Variants in TNFRSF19 observed in about 807,000 individuals in gnomAD.
TNFRSF19 encodes tumor necrosis factor receptor superfamily member 19.
In TNFRSF19, 27 loss-of-function variants were observed where a neutral mutation model predicts 46.4. The ratio of observed to expected loss-of-function variants is 0.58; its 90% CI spans 0.43 to 0.80. The LOEUF is 0.80. Ranked by LOEUF, TNFRSF19 falls within the 30% of genes least tolerant of loss-of-function variation. The probability of loss-of-function intolerance (pLI) is 0.00; values close to 1 mark genes in which losing one functional copy is unlikely to be tolerated. For synonymous variants in TNFRSF19, 204 were observed against 205.0 expected (o/e 1.00, Z 0.04); for missense variants, 511 against 530.8 (o/e 0.96, Z 0.37).
chr13:23,640,818 T>C (rs1882996490), intron 5 of TNFRSF19, among the ~76,000 whole-genome samples: 1 of 152,208 alleles, frequency 6.6e-6, no homozygotes, highest in Non-Finnish European at 1.5e-5. Context: ...ACTAAAAACA[T>C]AGGTCCAAGG....
At chr13:23,617,445 A>AGTCT (rs61060090) in intron 4 of TNFRSF19, among the ~76,000 whole-genome samples, 3,091 of 152,198 alleles carry the variant, frequency 0.02, 117 homozygotes, top group African/African-American at 0.071. Context: ...TGGAGGAGAG[A>AGTCT]GTCTGGATGA....
chr13:23,593,519 T>G, intron 3 of TNFRSF19, 64 bp downstream of exon 3: 1 of 1,072,380 alleles, frequency 9.3e-7, no homozygotes, highest in Non-Finnish European at 1.4e-6. Flanking sequence ...CTTAACTCAA[T>G]TCTTTGAGTT....
rs371903031 is a variant in TNFRSF19 at position 23,575,371 on chromosome 13, C to T, written c.-35+4523C>T. ...TGGGTTTTTCATATATATTGGTTTA[C>T]GCACCCATGGTATGGTGAAGATTAT... On this transcript the variant is annotated intron_variant, in intron 1 of 9. Transcript: ENST00000248484. Among the ~76,000 whole-genome samples the T allele has an allele frequency of 9.4e-4, 143 of 152,252 alleles. No homozygotes were observed. The Middle Eastern group carries it at 0.014, about 14-fold the overall frequency.
At chr13:23,592,026 T>C (rs3794355) in intron 2 of TNFRSF19, among the ~76,000 whole-genome samples, 100,277 of 151,780 alleles carry the variant, frequency 0.66, 33,774 homozygotes, top group African/African-American at 0.78. Context: ...TGCCTGTCTG[T>C]CTCAAAGAAT....
chr13:23,625,877 G>C (rs962869288), intron 4 of TNFRSF19, among the ~76,000 whole-genome samples: 7 of 152,044 alleles, frequency 4.6e-5, no homozygotes, highest in African/African-American at 1.7e-4. Context: ...TAATTTGAAT[G>C]TACTTGATTA....
At chr13:23,638,714 G>A (rs1882851556) in intron 5 of TNFRSF19, among the ~76,000 whole-genome samples, 1 of 152,092 alleles carries the variant, frequency 6.6e-6, no homozygotes, top group Admixed American at 6.5e-5. Flanking sequence ...TGGGTCCCTG[G>A]TTTGCTTCAG....
At chr13:23,617,583 A>C (rs1043061632) in intron 4 of TNFRSF19, among the ~76,000 whole-genome samples, 1 of 152,214 alleles carries the variant, frequency 6.6e-6, no homozygotes, top group Non-Finnish European at 1.5e-5. Context: ...GCCAAGAGTT[A>C]CTGACCAAAG....
chr13:23,623,540 G>A (rs73156767), intron 4 of TNFRSF19, among the ~76,000 whole-genome samples: 3,349 of 152,216 alleles, frequency 0.022, 58 homozygotes, highest in Middle Eastern at 0.061. Context: ...TTTCCATAGC[G>A]GCTGCACCAT....
chr13:23,660,562 T>G (rs767946716), intron 7 of TNFRSF19, 72 bp downstream of exon 7: 116 of 1,544,706 alleles, frequency 7.5e-5, no homozygotes, highest in Non-Finnish European at 9.9e-5. Flanking sequence ...GAATTGGTCC[T>G]GGTTTATTCA....
rs1274625421 is a variant in TNFRSF19 at position 23,626,798 on chromosome 13, T to C, written c.445+6T>C. On this transcript the variant is annotated splice_donor_region_variant and intron_variant, in intron 5 of 9. Coordinates refer to ENST00000248484, the MANE Select transcript of TNFRSF19 (RefSeq NM_148957.4). Reference sequence around the variant, plus strand: ...TCCTCCTTACGAACCGCACTGTGAGTGAACGCAACACAGGCAGAGCCAAGG... The same window carrying C: ...TCCTCCTTACGAACCGCACTGTGAGCGAACGCAACACAGGCAGAGCCAAGG... The C allele has an allele frequency of 1.2e-6, 2 of 1,613,914 alleles. No homozygotes were observed. The highest frequency in any genetic ancestry group is 1.7e-6 in the Non-Finnish European group (2 of 1,179,904).
At chr13:23,572,496 T>A (rs562706984) in intron 1 of TNFRSF19, among the ~76,000 whole-genome samples, 1 of 152,334 alleles carries the variant, frequency 6.6e-6, no homozygotes, top group East Asian at 1.9e-4. Flanking sequence ...ATTTGGATTT[T>A]AAAATTTTTA....
At chr13:23,658,325 C>T (rs970888844) in intron 5 of TNFRSF19, among the ~76,000 whole-genome samples, 2 of 152,178 alleles carry the variant, frequency 1.3e-5, no homozygotes, top group African/African-American at 4.8e-5. Flanking sequence ...AAATTCCAGT[C>T]AGTGTCTCAA....
At chr13:23,663,730 A>G (rs1884525332) in intron 7 of TNFRSF19, among the ~76,000 whole-genome samples, 1 of 152,028 alleles carries the variant, frequency 6.6e-6, no homozygotes, top group East Asian at 1.9e-4. Context: ...TTCCTGGTTC[A>G]GTCTTGGGAG....
At chr13:23,588,516 C>A (rs1018278465) in intron 1 of TNFRSF19, among the ~76,000 whole-genome samples, 1 of 152,184 alleles carries the variant, frequency 6.6e-6, no homozygotes, top group African/African-American at 2.4e-5. Context: ...ATGGTATGTA[C>A]TGATTGACTT....
chr13:23,664,478 C>T (rs1186991371), intron 7 of TNFRSF19, among the ~76,000 whole-genome samples: 1 of 152,168 alleles, frequency 6.6e-6, no homozygotes, highest in East Asian at 1.9e-4. Flanking sequence ...AATTAAAACC[C>T]TCTATAGCCA....
chr13:23,574,681 G>T (rs1466934545), intron 1 of TNFRSF19, among the ~76,000 whole-genome samples: 2 of 152,128 alleles, frequency 1.3e-5, no homozygotes, highest in African/African-American at 4.8e-5. Context: ...AAGAATGAGT[G>T]ATTTTGTCCC....
intron 3 of TNFRSF19, among the ~76,000 whole-genome samples, chr13:23,615,381 G>A (rs775509797): frequency 6.6e-6 from 1 of 152,166 alleles, no homozygotes; most frequent in African/African-American, 2.4e-5. Context: ...ACTATTTCAA[G>A]GAGCTCTCCA....
At position 23,627,566 on chromosome 13, in the gene TNFRSF19, A is replaced by G. The variant is rs1335376951; in HGVS notation, c.445+774A>G. 3.3e-5 allele frequency among the ~76,000 whole-genome samples: 5 copies of G among 152,286 alleles called. No individual in the cohort carries two copies. In the East Asian group the frequency reaches 9.7e-4, roughly 29 times the overall value. The stretch of plus-strand genomic sequence containing the variant: ...AACCGGTGAGTGGCCTCTATGTGGC[A>G]GAGCACGCTTGTCTGTGCCACAGCA... On this transcript the variant is annotated intron_variant, in intron 5 of 9. Coordinates refer to ENST00000248484, the MANE Select transcript of TNFRSF19 (RefSeq NM_148957.4).
At chr13:23,588,638 C>T (rs1879018969) in intron 1 of TNFRSF19, among the ~76,000 whole-genome samples, 1 of 152,078 alleles carries the variant, frequency 6.6e-6, no homozygotes, top group Non-Finnish European at 1.5e-5. Flanking sequence ...GAACTTAATA[C>T]ATTTTTTAAA....
Sources: allele counts gnomAD v4.1 joint callset (sites outside exome capture counted in the v4.1 genomes callset), GRCh38; gene constraint gnomAD v4.1.1; transcripts MANE v1.5; gene names NCBI Gene and HGNC (gene_info 2026-07-23, HGNC 2026-07-21).